The following SYT11 variants were observed in gnomAD, a reference collection of about 807,000 sequenced individuals.
SYT11 encodes the protein synaptotagmin 11, also known as synaptotagmin-11.
A neutral mutation model predicts 30.4 loss-of-function variants in SYT11; 12 were observed. The ratio of observed to expected loss-of-function variants is 0.39; its 90% CI spans 0.25 to 0.64. The LOEUF is 0.64. SYT11 is among the 30% of genes least tolerant of loss of function. The pLI is 0.45. For synonymous variants in SYT11, 204 were observed against 216.0 expected (o/e 0.94, Z 0.49); for missense variants, 412 against 552.0 (o/e 0.75, Z 2.54).
intron 1 of SYT11, among the ~76,000 whole-genome samples, chr1:155,861,672 G>A (rs1672592895): frequency 6.6e-6 from 1 of 152,188 alleles, no homozygotes; most frequent in African/African-American, 2.4e-5. Context: ...AGGTTGGAGT[G>A]CAATGGCGTG....
chr1:155,870,335 C>T (rs1048359343), intron 2 of SYT11, among the ~76,000 whole-genome samples: 1 of 152,196 alleles, frequency 6.6e-6, no homozygotes, highest in Non-Finnish European at 1.5e-5. Context: ...TTTTATATAG[C>T]TACTAGGACA....
chr1:155,880,365 G>A, intron 2 of SYT11, 135 bp from the exon 3 acceptor site: 1 of 933,946 alleles, frequency 1.1e-6, no homozygotes, highest in Non-Finnish European at 1.5e-6. Flanking sequence ...CCTTTCCAGG[G>A]GATGAGCATC....
intron 2 of SYT11, among the ~76,000 whole-genome samples, chr1:155,869,938 G>A (rs970825583): frequency 5.9e-5 from 9 of 152,212 alleles, no homozygotes; most frequent in African/African-American, 2.2e-4. Context: ...CGTGTGACAC[G>A]GGTGAGTTAC....
chr1:155,861,472 C>G (rs1672589984), intron 1 of SYT11, among the ~76,000 whole-genome samples: 1 of 152,156 alleles, frequency 6.6e-6, no homozygotes, highest in Non-Finnish European at 1.5e-5. Flanking sequence ...TTATATCAGC[C>G]TGTTACATAC....
At chr1:155,867,923 G>A (rs1329930035) in intron 1 of SYT11, 42 bp from the exon 2 acceptor site, 3 of 1,485,834 alleles carry the variant, frequency 2.0e-6, no homozygotes, top group African/African-American at 2.8e-5. Flanking sequence ...GACAGGAGGT[G>A]AAGTCCACCC....
intron 1 of SYT11, among the ~76,000 whole-genome samples, chr1:155,861,757 TACAGACAAGTGCCA>T (rs1402510472): frequency 6.6e-6 from 1 of 152,188 alleles, no homozygotes; most frequent in Non-Finnish European, 1.5e-5. Context: ...TAGCTGGGAT[TACAGACAAGTGCCA>T]CCACACCCAG....
At position 155,882,628 on chromosome 1, in the gene SYT11, C is replaced by T. The variant is rs1672996933; in HGVS notation, c.*1120C>T. ...ACTTCTCTAAAAGGAGCTTTGGAAA[C>T]TTCAAATTCAGCTATAGGATAGTAC... On this transcript the variant is annotated 3_prime_UTR_variant, in exon 4 of 4. Transcript: ENST00000368324. 1 of 152,324 alleles carries T rather than the reference C, an allele frequency of 6.6e-6. No homozygotes were observed. The highest frequency in any genetic ancestry group is 6.5e-5 in the Admixed American group (1 of 15,272). 9.4% of individuals were successfully genotyped at this position (152,324 alleles called of 1,614,324 possible).
intron 2 of SYT11, among the ~76,000 whole-genome samples, chr1:155,873,022 A>C: frequency 6.6e-6 from 1 of 152,250 alleles, no homozygotes; most frequent in East Asian, 1.9e-4. Flanking sequence ...TTGATTAGGA[A>C]GATTTTCCTA....
chr1:155,881,334 T>C lies in SYT11; in HGVS notation c.1122T>C (p.Asp374=). The change falls in exon 4 of 4, where the codon GAT becomes GAC. Residue 374 remains aspartate, a synonymous_variant. Transcript: ENST00000368324. Reference sequence around the variant, plus strand: ...ACATCCCCACTGACCTCCTGCCTGATATCAGCATCGAGTTCCTCGTTATCG... The same window carrying C: ...ACATCCCCACTGACCTCCTGCCTGACATCAGCATCGAGTTCCTCGTTATCG... The part of the protein sequence containing the change: ...IYDIPTDLLP[D]ISIEFLVIDF... 1 of 1,614,192 alleles carries C rather than the reference T, an allele frequency of 6.2e-7. No individual in the cohort carries two copies. The highest frequency in any genetic ancestry group is 2.2e-5 in the East Asian group (1 of 44,886).
chr1:155,876,361 TC>T (rs1314917962), intron 2 of SYT11, among the ~76,000 whole-genome samples: 1 of 147,792 alleles, frequency 6.8e-6, no homozygotes, highest in African/African-American at 2.5e-5. Flanking sequence ...TTCTCCTGCC[TC>T]AGCCTCCCCA....
chr1:155,878,059 A>G (rs1347659767), intron 2 of SYT11, among the ~76,000 whole-genome samples: 1 of 150,784 alleles, frequency 6.6e-6, no homozygotes, highest in African/African-American at 2.4e-5. Flanking sequence ...CCTGGGCAAC[A>G]TAGTGAGACC....
intron 2 of SYT11, among the ~76,000 whole-genome samples, chr1:155,876,172 T>C (rs1672855331): frequency 6.6e-6 from 1 of 150,508 alleles, no homozygotes; most frequent in African/African-American, 2.4e-5. Context: ...AGGGTGATTG[T>C]GGGGGTATGA....
At position 155,862,228 on chromosome 1, in the gene SYT11, G is replaced by A. The variant is rs568403149; in HGVS notation, c.34+2433G>A. The stretch of plus-strand genomic sequence containing the variant: ...CCAACACTCAATTATCCATGACCAT[G>A]AAGGACAAAAGGAGCGAGAAGCACA... On this transcript the variant is annotated intron_variant, in intron 1 of 3. Coordinates refer to ENST00000368324, the MANE Select transcript of SYT11 (RefSeq NM_152280.5). 7.0e-4 allele frequency among the ~76,000 whole-genome samples: 107 copies of A among 152,308 alleles called. 2 individuals carry two copies. In the South Asian group the frequency reaches 0.02, roughly 29 times the overall value.
At position 155,881,650 on chromosome 1, in the gene SYT11, C is replaced by A; in HGVS notation, c.*142C>A. On this transcript the variant is annotated 3_prime_UTR_variant, in exon 4 of 4. Coordinates refer to ENST00000368324, the MANE Select transcript of SYT11 (RefSeq NM_152280.5). ...ACAAAACAAATTCCACAAAGAACAC[C>A]CTATATGACCACAGCTGCAGATCAG... 1 of 697,918 alleles carries A rather than the reference C, an allele frequency of 1.4e-6. No homozygotes were observed. Among genetic ancestry groups the A allele is most frequent in the Non-Finnish European group, 2.4e-6 (1 of 419,410 alleles). The allele number at this position is 697,918 out of a possible 1,614,324, so 43.2% of individuals were successfully genotyped here.
chr1:155,881,795 C>G lies in SYT11; in HGVS notation c.*287C>G, dbSNP rs867454813. On this transcript the variant is annotated 3_prime_UTR_variant, in exon 4 of 4. Coordinates refer to ENST00000368324, the MANE Select transcript of SYT11 (RefSeq NM_152280.5). ...CCGGGCTGGAGTGCAATGGTGAGAT[C>G]TCAACTCACTGCAACCTCTGCCCTC... 2.0e-4 allele frequency: 42 copies of G among 214,008 alleles called. No homozygotes were observed. The highest frequency in any genetic ancestry group is 9.2e-4 in the African/African-American group (40 of 43,324). The allele number at this position is 214,008 out of a possible 1,614,324, so 13.3% of individuals were successfully genotyped here. A position where few individuals can be genotyped will look rare whatever the true frequency, so the allele number is the denominator to read the frequency against.
At chr1:155,866,743 T>A (rs534611529) in intron 1 of SYT11, among the ~76,000 whole-genome samples, 1 of 151,654 alleles carries the variant, frequency 6.6e-6, no homozygotes, top group Admixed American at 6.6e-5. Flanking sequence ...AATAGGTGAG[T>A]CAGGAAAGGC....
chr1:155,865,986 C>A (rs1367152391), intron 1 of SYT11, among the ~76,000 whole-genome samples: 1 of 152,002 alleles, frequency 6.6e-6, no homozygotes, highest in African/African-American at 2.4e-5. Context: ...ACCTTTAAAG[C>A]CTAAACCCAA....
chr1:155,863,635 A>G (rs1414820878), intron 1 of SYT11, among the ~76,000 whole-genome samples: 4 of 151,952 alleles, frequency 2.6e-5, no homozygotes, highest in Non-Finnish European at 5.9e-5. Context: ...AAAATTTAAA[A>G]ATTAGCTGGG....
In SYT11 at chr1:155,882,717, A is replaced by C. The variant is rs982458145; in HGVS notation, c.*1209A>C. The C allele has an allele frequency of 3.3e-5, 5 of 152,374 alleles. No individual in the cohort carries two copies. The highest frequency in any genetic ancestry group is 7.3e-5 in the Non-Finnish European group (5 of 68,056). The allele number at this position is 152,374 out of a possible 1,614,324, so 9.4% of individuals were successfully genotyped here. The stretch of plus-strand genomic sequence containing the variant: ...GGTATAAGGACAAGGAGAGGAGACA[A>C]GTGACGACAGCCATTCCCCTTTGCA... On this transcript the variant is annotated 3_prime_UTR_variant, in exon 4 of 4. Coordinates refer to ENST00000368324, the MANE Select transcript of SYT11 (RefSeq NM_152280.5).
Sources: gnomAD v4.1 joint callset for allele counts (sites outside exome capture counted in the v4.1 genomes callset) on GRCh38, gnomAD v4.1.1 for gene constraint, MANE v1.5 for transcripts, NCBI Gene and HGNC (gene_info 2026-07-23, HGNC 2026-07-21) for gene names.